The following ART3 variants were observed in gnomAD, a reference collection of about 807,000 sequenced individuals.
The protein encoded by ART3 is ADP-ribosyltransferase 3 (inactive).
Under a neutral mutation model 48.5 loss-of-function variants are expected in ART3, and 49 were observed. That is an observed-to-expected ratio of 1.01 (90% CI 0.80 to 1.28). ART3 has a LOEUF of 1.28. Ranked by LOEUF, ART3 falls within the 50% of genes most tolerant of loss-of-function variation. The pLI, the probability that ART3 is intolerant of heterozygous loss-of-function variation, is 0.00. For synonymous variants in ART3, 145 were observed against 157.2 expected (o/e 0.92, Z 0.58); for missense variants, 438 against 454.3 (o/e 0.96, Z 0.33).
intron 1 of ART3, among the ~76,000 whole-genome samples, chr4:76,048,209 T>G (rs943622032): frequency 6.6e-6 from 1 of 151,898 alleles, no homozygotes; most frequent in African/African-American, 2.4e-5. Flanking sequence ...AGTTGTGTAT[T>G]CTCCCTCAAT....
At chr4:76,032,174 A>G (rs1360361641) in intron 1 of ART3, among the ~76,000 whole-genome samples, 1 of 151,734 alleles carries the variant, frequency 6.6e-6, no homozygotes, top group Non-Finnish European at 1.5e-5. Flanking sequence ...TATTTAATAT[A>G]CTTCTTACAA....
intron 1 of ART3, among the ~76,000 whole-genome samples, chr4:76,061,520 G>A (rs934611803): frequency 2.6e-5 from 4 of 152,146 alleles, no homozygotes; most frequent in African/African-American, 9.7e-5. Flanking sequence ...CTATGAAAGT[G>A]ACCTTTTCAA....
chr4:76,055,636 A>T (rs1718613625), intron 1 of ART3, among the ~76,000 whole-genome samples: 1 of 152,222 alleles, frequency 6.6e-6, no homozygotes. Flanking sequence ...GCAAAAGAAG[A>T]TTAGAGCAGA....
chr4:76,016,723 C>A (rs1052615313), intron 1 of ART3, among the ~76,000 whole-genome samples: 1 of 152,272 alleles, frequency 6.6e-6, no homozygotes, highest in South Asian at 2.1e-4. Context: ...GGACTGGAGT[C>A]AAAAACCTTA....
At chr4:76,024,839 A>G (rs1251740274) in intron 1 of ART3, among the ~76,000 whole-genome samples, 2 of 152,194 alleles carry the variant, frequency 1.3e-5, no homozygotes, top group East Asian at 3.8e-4. Context: ...GGATCAGGCT[A>G]CTGTACTAGG....
chr4:76,058,217 A>G (rs1313217010), intron 1 of ART3: 3 of 152,174 alleles, frequency 2.0e-5, no homozygotes, highest in Non-Finnish European at 4.4e-5. Flanking sequence ...TTTTCATTTT[A>G]CTATTGGAAT....
chr4:76,106,550 C>T (rs1180971571), intron 10 of ART3: 1 of 165,432 alleles, frequency 6.0e-6, no homozygotes, highest in African/African-American at 2.4e-5. Flanking sequence ...TTGTGCTTAT[C>T]TGGGAGAGAG....
At chr4:76,091,211 A>G (rs1312066250) in intron 3 of ART3, among the ~76,000 whole-genome samples, 5 of 152,220 alleles carry the variant, frequency 3.3e-5, no homozygotes, top group Admixed American at 2.6e-4. Flanking sequence ...GAACATGTAT[A>G]TACAAGTCTT....
chr4:76,102,039 AT>A (rs568629659), intron 8 of ART3, among the ~76,000 whole-genome samples: 1,895 of 152,298 alleles, frequency 0.012, 43 homozygotes, highest in African/African-American at 0.043. Flanking sequence ...AATTGGCTTT[AT>A]TTGAGATTCT....
intron 10 of ART3, chr4:76,105,553 T>C (rs1263402677): frequency 7.8e-7 from 1 of 1,288,796 alleles, no homozygotes; most frequent in African/African-American, 1.5e-5. Context: ...ATGAAAAACC[T>C]GGTAATATAT....
intron 4 of ART3, among the ~76,000 whole-genome samples, chr4:76,098,354 C>T (rs959737125): frequency 6.6e-6 from 1 of 152,124 alleles, no homozygotes. Context: ...AAGACATGCT[C>T]TGGGTGGATC....
At chr4:76,098,892 G>A in intron 4 of ART3, 63 bp from the exon 5 acceptor site, 1 of 1,351,976 alleles carries the variant, frequency 7.4e-7, no homozygotes, top group Admixed American at 2.0e-5. Flanking sequence ...TTTAAAAATA[G>A]ACTGATCCTG....
At position 76,103,945 on chromosome 4, in the gene ART3, A is replaced by T. The variant is rs1727893090; in HGVS notation, c.946A>T (p.Ile316Phe). ...NQKLEDHGVK[I>F]LEPTQIPGMK... ...TTTATTTCTGCCTTTAGGTGTGAAAATCCTTGAACCCACCCAAATACCTGG... is the reference window on the plus strand; with the variant it reads ...TTTATTTCTGCCTTTAGGTGTGAAATTCCTTGAACCCACCCAAATACCTGG... Residue 316 changes from isoleucine (I) to phenylalanine (F), a missense_variant, in exon 9 of 12, where the codon ATC (isoleucine) becomes TTC (phenylalanine). Ile to Phe is a conservative substitution (Grantham distance 21). Around this residue, in one of 3 missense-constraint regions of ART3, gnomAD observed 227 missense variants for 229.6 expected, o/e 0.99. Transcript: ENST00000355810. 1 of 1,613,542 alleles carries T rather than the reference A, an allele frequency of 6.2e-7. No individual in the cohort carries two copies. The highest frequency in any genetic ancestry group is 1.7e-4 in the Middle Eastern group (1 of 6,060).
At chr4:76,070,970 A>G (rs1298245571), upstream of ART3, among the ~76,000 whole-genome samples, 1 of 151,692 alleles carries the variant, frequency 6.6e-6, no homozygotes, top group East Asian at 1.9e-4. Flanking sequence ...GATTGACCCA[A>G]TCATTCTACC....
In ART3 at chr4:76,097,613, T is replaced by A. The variant is rs1475574607; in HGVS notation, c.782-31T>A. 3 of 1,572,984 alleles carry A rather than the reference T, an allele frequency of 1.9e-6. No individual in the cohort carries two copies. The African/African-American group carries it at 4.1e-5, about 21-fold the overall frequency. Reference sequence around the variant, plus strand: ...AATATTTACTAGGGTATATTATGTCTAACTAATAAAGCTTTATCTTTGTGT... The same window carrying A: ...AATATTTACTAGGGTATATTATGTCAAACTAATAAAGCTTTATCTTTGTGT... On this transcript the variant is annotated intron_variant, in intron 3 of 11. Coordinates refer to ENST00000355810, the MANE Select transcript of ART3 (RefSeq NM_001130016.3).
At chr4:76,100,858 A>G (rs201566039) in intron 7 of ART3, 34 bp downstream of exon 7, 2 of 1,608,250 alleles carry the variant, frequency 1.2e-6, no homozygotes, top group Admixed American at 1.7e-5. Context: ...GGGGGCTTAC[A>G]TTTTACAAGA....
intron 2 of ART3, among the ~76,000 whole-genome samples, chr4:76,079,021 C>T (rs1262944682): frequency 1.2e-4 from 19 of 152,040 alleles, no homozygotes; most frequent in Admixed American, 1.1e-3. Flanking sequence ...GCGGAGCTTG[C>T]AGTGAGCCGA....
At chr4:76,039,495 C>G (rs537142160) in intron 1 of ART3, among the ~76,000 whole-genome samples, 7 of 152,224 alleles carry the variant, frequency 4.6e-5, no homozygotes, top group African/African-American at 1.7e-4. Flanking sequence ...TCAGCATTAA[C>G]ACAAACACAA....
At chr4:76,053,011 G>A (rs1736284961) in intron 1 of ART3, among the ~76,000 whole-genome samples, 8 of 152,146 alleles carry the variant, frequency 5.3e-5, no homozygotes, top group Admixed American at 4.6e-4. Context: ...TTATAAGCAT[G>A]AGCCCCTGCA....
Sources: allele counts gnomAD v4.1 joint callset (sites outside exome capture counted in the v4.1 genomes callset), GRCh38; gene constraint gnomAD v4.1.1; regional missense constraint gnomAD v4.1.1; transcripts MANE v1.5; gene names NCBI Gene and HGNC (gene_info 2026-07-23, HGNC 2026-07-21).